CRTAC1: variants seen among roughly 807,000 people sequenced by gnomAD.
CRTAC1 encodes the protein cartilage acidic protein 1, also known as acidic secreted protein in cartilage.
A neutral mutation model predicts 67.8 loss-of-function variants in CRTAC1; 37 were observed. The ratio of observed to expected loss-of-function variants is 0.55; its 90% confidence interval spans 0.42 to 0.72. The LOEUF is 0.72. Among genes scored for constraint, CRTAC1 ranks in the 30% least tolerant of loss-of-function variants. The pLI, the probability that CRTAC1 is intolerant of heterozygous loss-of-function variation, is 0.00. For missense variants in CRTAC1, 780 were observed against 931.6 expected, an observed-to-expected ratio of 0.84 and a Z score of 2.12; for synonymous variants, 348 against 371.0, an observed-to-expected ratio of 0.94 and a Z score of 0.71.
At position 97,865,768 on chromosome 10, in the gene CRTAC1, G is replaced by A. The variant is rs1018416660; in HGVS notation, c.1820-54C>T. 6.0e-6 allele frequency: 9 copies of A among 1,496,082 alleles called. No individual in the cohort carries two copies. In the African/African-American group the frequency reaches 1.1e-4, roughly 18 times the overall value. The allele number at this position is 1,496,082 out of a possible 1,614,324, so 92.7% of individuals were successfully genotyped here. A position where few individuals can be genotyped will look rare whatever the true frequency, so the allele number is the denominator to read the frequency against. On this transcript the variant is annotated intron_variant, in intron 14 of 14. Coordinates refer to ENST00000370597, the MANE Select transcript of CRTAC1 (RefSeq NM_018058.7). ...GGCCTTGCAGACCTGCGGCGGCTGC[G>A]CTACCAGAGCACCCGCTTCTGAGTC... is the stretch of plus-strand genomic sequence containing the variant.
chr10:97,969,081 G>A (rs907542807), intron 2 of CRTAC1, among the ~76,000 whole-genome samples: 1 of 152,088 alleles, frequency 6.6e-6, no homozygotes, highest in Non-Finnish European at 1.5e-5. Flanking sequence ...CCTCATTTGG[G>A]TGACAAATTA....
At chr10:97,947,899 A>G (rs1037976016) in intron 2 of CRTAC1, among the ~76,000 whole-genome samples, 1 of 152,180 alleles carries the variant, frequency 6.6e-6, no homozygotes, top group Non-Finnish European at 1.5e-5. Context: ...AAAATAAATA[A>G]ATAAAATAAT....
chr10:97,925,507 G>A (rs1208081297), intron 3 of CRTAC1, among the ~76,000 whole-genome samples: 1 of 151,556 alleles, frequency 6.6e-6, no homozygotes, highest in East Asian at 1.9e-4. Context: ...GTGAGAATGT[G>A]GGCATCAGTG....
In CRTAC1 at chr10:97,917,480, T is replaced by A; in HGVS notation, c.715+20A>T. Reference sequence around the variant, plus strand: ...GCCCCAGCCCCTCCAGCATACTACCTCCCATGTCACTCTGCATACCTGTAT... The same window carrying A: ...GCCCCAGCCCCTCCAGCATACTACCACCCATGTCACTCTGCATACCTGTAT... On this transcript the variant is annotated intron_variant, in intron 5 of 14. Transcript: ENST00000370597. 6.7e-7 allele frequency: 1 copy of A among 1,484,758 alleles called. No individual in the cohort carries two copies. Among genetic ancestry groups the A allele is most frequent in the South Asian group, 1.5e-5 (1 of 68,040 alleles). 92.0% of individuals were successfully genotyped at this position (1,484,758 alleles called of 1,614,324 possible). A position where few individuals can be genotyped will look rare whatever the true frequency, so the allele number is the denominator to read the frequency against.
At chr10:97,981,520 C>T (rs902146404) in intron 2 of CRTAC1, among the ~76,000 whole-genome samples, 1 of 152,176 alleles carries the variant, frequency 6.6e-6, no homozygotes, top group Non-Finnish European at 1.5e-5. Context: ...CCATAATTTA[C>T]TTAACCATTT....
intron 2 of CRTAC1, among the ~76,000 whole-genome samples, chr10:97,944,544 G>A (rs560567306): frequency 6.6e-6 from 1 of 152,234 alleles, no homozygotes; most frequent in African/African-American, 2.4e-5. Context: ...TAAGTGAGGG[G>A]GTAAAAAGGT....
rs557327718 is a variant in CRTAC1, at chr10:97,948,602, G to A, written c.225-12236C>T. Among the ~76,000 whole-genome samples the A allele has an allele frequency of 2.0e-5, 3 of 152,330 alleles. No individual in the cohort carries two copies. In the South Asian group the frequency reaches 6.2e-4, roughly 32 times the overall value. On this transcript the variant is annotated intron_variant, in intron 2 of 14. Transcript: ENST00000370597. Reference sequence around the variant, plus strand: ...GGGTGTGCAGTAGGTCAGCAGAACAGAGTGTCATGTACCAGCTGATGGGTT... The same window carrying A: ...GGGTGTGCAGTAGGTCAGCAGAACAAAGTGTCATGTACCAGCTGATGGGTT...
intron 11 of CRTAC1, among the ~76,000 whole-genome samples, chr10:97,889,181 C>T (rs2050328775): frequency 4.6e-5 from 7 of 151,564 alleles, no homozygotes. Flanking sequence ...GCTGCCTGAG[C>T]CAGTGACTCC....
rs548230712 is a variant in CRTAC1, at chr10:97,951,763, T to C, written c.225-15397A>G. The stretch of plus-strand genomic sequence containing the variant: ...TATGGTTTGAATCATTCATCTAGAA[T>C]AAAGCCCCTGCTAGAGCTGGTACCT... On this transcript the variant is annotated intron_variant, in intron 2 of 14. Coordinates refer to ENST00000370597, the MANE Select transcript of CRTAC1 (RefSeq NM_018058.7). Among the ~76,000 whole-genome samples, 64 of 152,286 alleles carry C rather than the reference T, an allele frequency of 4.2e-4. 1 individual carries two copies. Among genetic ancestry groups the C allele is most frequent in the African/African-American group, 1.5e-3 (64 of 41,560 alleles).
At chr10:97,948,959 A>G (rs2051307494) in intron 2 of CRTAC1, among the ~76,000 whole-genome samples, 1 of 152,216 alleles carries the variant, frequency 6.6e-6, no homozygotes, top group Non-Finnish European at 1.5e-5. Context: ...CGCTATCATA[A>G]AGACAGCATG....
chr10:97,896,804 G>A, intron 9 of CRTAC1, 105 bp downstream of exon 9: 1 of 703,376 alleles, frequency 1.4e-6, no homozygotes, highest in Non-Finnish European at 2.3e-6. Context: ...AGGGACAGGA[G>A]TGGCTCTGCT....
intron 1 of CRTAC1, among the ~76,000 whole-genome samples, chr10:98,020,193 A>C (rs1843088152): frequency 6.6e-6 from 1 of 152,152 alleles, no homozygotes; most frequent in Non-Finnish European, 1.5e-5. Context: ...CCTAAATCTC[A>C]GAGTGGGTCG....
intron 2 of CRTAC1, among the ~76,000 whole-genome samples, chr10:98,006,168 G>T (rs977098442): frequency 1.3e-5 from 2 of 152,238 alleles, no homozygotes; most frequent in African/African-American, 4.8e-5. Context: ...AATTGTACAA[G>T]ATTGACACCA....
intron 11 of CRTAC1, among the ~76,000 whole-genome samples, chr10:97,885,858 C>T (rs562453539): frequency 6.6e-6 from 1 of 152,362 alleles, no homozygotes; most frequent in African/African-American, 2.4e-5. Flanking sequence ...AATAATATAT[C>T]ACCCACATAT....
In CRTAC1 at chr10:97,874,483, A is replaced by G. The variant is rs564392190; in HGVS notation, c.1819+5766T>C. Among the ~76,000 whole-genome samples the G allele has an allele frequency of 5.3e-5, 8 of 152,240 alleles. No homozygotes were observed. The South Asian group carries it at 1.5e-3, about 28-fold the overall frequency. ...GCTCTGCACCTTATGGCCATTTGCC[A>G]TCTTTTTCTGGTGAATCTGTCAGTT... On this transcript the variant is annotated intron_variant, in intron 14 of 14. Transcript: ENST00000370597.
At chr10:97,927,616 C>T (rs1452622900) in intron 3 of CRTAC1, among the ~76,000 whole-genome samples, 1 of 152,180 alleles carries the variant, frequency 6.6e-6, no homozygotes, top group Non-Finnish European at 1.5e-5. Flanking sequence ...CCCGAGCTCA[C>T]CAGGGATGCC....
chr10:97,916,257 T>C (rs140140980), intron 5 of CRTAC1, among the ~76,000 whole-genome samples: 96 of 152,214 alleles, frequency 6.3e-4, no homozygotes, highest in African/African-American at 2.2e-3. Context: ...TGTACAAATC[T>C]AGGCTGAAGC....
At chr10:97,920,180 T>TTTGTTG (rs1310179331) in intron 4 of CRTAC1, among the ~76,000 whole-genome samples, 1 of 152,208 alleles carries the variant, frequency 6.6e-6, no homozygotes, top group East Asian at 1.9e-4. Flanking sequence ...TTCCCGACCC[T>TTTGTTG]ACCAGCTGGC....
chr10:97,930,127 A>G (rs1220275261), intron 3 of CRTAC1, among the ~76,000 whole-genome samples: 1 of 152,198 alleles, frequency 6.6e-6, no homozygotes, highest in East Asian at 1.9e-4. Context: ...ATTTCACAGA[A>G]AGAAACAGGG....
Sources: gnomAD v4.1 joint callset for allele counts (sites outside exome capture counted in the v4.1 genomes callset) on GRCh38, gnomAD v4.1.1 for gene constraint, MANE v1.5 for transcripts, NCBI Gene and HGNC (gene_info 2026-07-23, HGNC 2026-07-21) for gene names.